The following COL24A1 variants were observed in gnomAD, a reference collection of about 807,000 sequenced individuals.
COL24A1 encodes the protein collagen type XXIV alpha 1 chain, also known as collagen alpha-1(XXIV) chain.
A neutral mutation model predicts 253.9 loss-of-function variants in COL24A1; 224 were observed. The observed-to-expected ratio is 0.88, with a 90% CI of 0.79 to 0.99. COL24A1 has a LOEUF of 0.99. Ranked by LOEUF, COL24A1 falls within the 50% of genes least tolerant of loss-of-function variation. The probability of loss-of-function intolerance (pLI) is 0.00; values close to 1 mark genes in which losing one functional copy is unlikely to be tolerated. For synonymous variants in COL24A1, 685 were observed against 673.7 expected (o/e 1.02, Z -0.26); for missense variants, 2,131 against 2,068.5 (o/e 1.03, Z -0.59).
At chr1:85,874,617 G>C (rs1680923169) in intron 35 of COL24A1, 32 bp downstream of exon 35, 2 of 1,599,486 alleles carry the variant, frequency 1.3e-6, no homozygotes, top group Non-Finnish European at 1.7e-6. Flanking sequence ...AAGTGGGTTA[G>C]TGTATTAAAA....
intron 25 of COL24A1, 34 bp from the exon 26 acceptor site, chr1:85,910,037 G>C: frequency 1.3e-6 from 2 of 1,571,606 alleles, no homozygotes; most frequent in Non-Finnish European, 1.7e-6. Flanking sequence ...GAGTAACATA[G>C]AGGCATATTA....
At chr1:85,730,735 C>T (rs751976792) in intron 59 of COL24A1, 43 bp from the exon 60 acceptor site, 2 of 1,595,764 alleles carry the variant, frequency 1.3e-6, no homozygotes, top group Non-Finnish European at 1.7e-6. Context: ...ATTTCATTAG[C>T]AGTCACTTTC....
intron 24 of COL24A1, among the ~76,000 whole-genome samples, chr1:85,914,387 TTTTC>T (rs753602691): frequency 4.2e-4 from 64 of 151,108 alleles, no homozygotes; most frequent in Non-Finnish European, 7.8e-4. Flanking sequence ...TCTTTTTTTC[TTTTC>T]TTTTTTTTTT....
In COL24A1 at chr1:86,060,390, A is replaced by G. The variant is rs147082263; in HGVS notation, c.1753-1216T>C. Among the ~76,000 whole-genome samples the G allele has an allele frequency of 2.8e-3, 424 of 152,226 alleles. 2 individuals are homozygous for G. Among genetic ancestry groups the G allele is most frequent in the African/African-American group, 9.7e-3 (403 of 41,556 alleles). On this transcript the variant is annotated intron_variant, in intron 8 of 59. Transcript: ENST00000370571. The stretch of plus-strand genomic sequence containing the variant: ...AAATTTCTTTCCTGTTTGTTTATAA[A>G]TGATATAATGGAAGATAATTGCACT...
chr1:86,122,629 T>C (rs1242697091), intron 3 of COL24A1, among the ~76,000 whole-genome samples: 3 of 152,048 alleles, frequency 2.0e-5, no homozygotes, highest in Non-Finnish European at 4.4e-5. Flanking sequence ...TCTCTCAATC[T>C]GCAGGCTTAA....
chr1:85,867,253 A>T (rs186784314), intron 37 of COL24A1, among the ~76,000 whole-genome samples: 2 of 152,330 alleles, frequency 1.3e-5, no homozygotes, highest in East Asian at 1.9e-4. Flanking sequence ...TGAAAATTAT[A>T]AACACTGTAA....
In COL24A1 at chr1:86,114,271, G is replaced by A. The variant is rs137986439; in HGVS notation, c.1545+1054C>T. Among the ~76,000 whole-genome samples the A allele has an allele frequency of 1.2e-4, 18 of 152,240 alleles. No individual in the cohort carries two copies. The East Asian group carries it at 3.3e-3, about 28-fold the overall frequency. ...AGAATGAGAATTGGACAAATAAATGGAAGATAAAAAGTGAATTAGGGAAGA... is the reference window on the plus strand; with the variant it reads ...AGAATGAGAATTGGACAAATAAATGAAAGATAAAAAGTGAATTAGGGAAGA... On this transcript the variant is annotated intron_variant, in intron 4 of 59. Coordinates refer to ENST00000370571, the MANE Select transcript of COL24A1 (RefSeq NM_152890.7).
chr1:85,768,594 A>T (rs1156468), intron 53 of COL24A1, among the ~76,000 whole-genome samples: 1 of 147,244 alleles, frequency 6.8e-6, no homozygotes, highest in East Asian at 2.1e-4. Flanking sequence ...GTGCGGGGGG[A>T]GGGCTTATTT....
At chr1:85,877,093 T>C in intron 33 of COL24A1, 29 bp downstream of exon 33, 1 of 1,552,838 alleles carries the variant, frequency 6.4e-7, no homozygotes, top group Non-Finnish European at 8.8e-7. Context: ...AGAATATTTA[T>C]GAAGAAGAAC....
Position 85,868,551 on chromosome 1 carries a change from GT to G in COL24A1, c.3267del (p.Leu1091TrpfsTer34), listed in dbSNP as rs769082427. On this transcript the variant is annotated frameshift_variant, in exon 37 of 60. Transcript: ENST00000370571. LOFTEE classifies it high-confidence loss of function. ...KGEMGLPGII[G>X]PLGRSGQTGL... ...CCTGTTTGGCCTGATCTACCCAAGG[GT>G]CCTATAATTCCTGGTAAGCCCATCT... 6.2e-7 allele frequency: 1 copy of G among 1,613,674 alleles called. No homozygotes were observed. The highest frequency in any genetic ancestry group is 1.3e-5 in the African/African-American group (1 of 74,876).
chr1:86,006,279 C>T (rs566578018), intron 19 of COL24A1, among the ~76,000 whole-genome samples: 22 of 149,994 alleles, frequency 1.5e-4, no homozygotes, highest in African/African-American at 1.3e-4. Flanking sequence ...CTACAATATT[C>T]GAGACAGTGT....
rs189812188 is a variant in COL24A1, at chr1:85,893,529, A to G, written c.2922+2329T>C. On this transcript the variant is annotated intron_variant, in intron 31 of 59. Coordinates refer to ENST00000370571, the MANE Select transcript of COL24A1 (RefSeq NM_152890.7). ...ATGATAGTTTTTATATTATTTAGAG[A>G]ACCTAAAATAGTGATCCAGGCCTTA... is the stretch of plus-strand genomic sequence containing the variant. 3.8e-3 allele frequency among the ~76,000 whole-genome samples: 580 copies of G among 152,272 alleles called. 3 individuals carry two copies. Among genetic ancestry groups the G allele is most frequent in the South Asian group, 7.1e-3 (34 of 4,822 alleles).
intron 37 of COL24A1, among the ~76,000 whole-genome samples, chr1:85,851,455 T>A (rs1677758948): frequency 6.6e-6 from 1 of 152,140 alleles, no homozygotes; most frequent in South Asian, 2.1e-4. Flanking sequence ...TTTTATAGGG[T>A]ATGTACCCTG....
At position 85,787,803 on chromosome 1, in the gene COL24A1, C is replaced by T. The variant is rs932146249; in HGVS notation, c.3952-1342G>A. Reference sequence around the variant, plus strand: ...GTTCCTTAAGGTCTTCGAGGAATCACCACACTGTCTTCCACAATGGTTGGA... The same window carrying T: ...GTTCCTTAAGGTCTTCGAGGAATCATCACACTGTCTTCCACAATGGTTGGA... On this transcript the variant is annotated intron_variant, in intron 47 of 59. Coordinates refer to ENST00000370571, the MANE Select transcript of COL24A1 (RefSeq NM_152890.7). 1.2e-4 allele frequency among the ~76,000 whole-genome samples: 19 copies of T among 152,154 alleles called. 1 individual carries two copies. The highest frequency in any genetic ancestry group is 2.1e-4 in the Non-Finnish European group (14 of 68,014).
In COL24A1 at chr1:86,133,666, A is replaced by G. The variant is rs539302495; in HGVS notation, c.122-7452T>C. ...CTGGATTACGTTTATTGATTTGTGT[A>G]TGTTGAACCAGCCTTGCATCCCAGG... On this transcript the variant is annotated intron_variant, in intron 2 of 59. Coordinates refer to ENST00000370571, the MANE Select transcript of COL24A1 (RefSeq NM_152890.7). Among the ~76,000 whole-genome samples, 22 of 152,256 alleles carry G rather than the reference A, an allele frequency of 1.4e-4. No homozygotes were observed. The East Asian group carries it at 3.9e-3, about 27-fold the overall frequency.
intron 19 of COL24A1, among the ~76,000 whole-genome samples, chr1:86,004,415 T>A (rs1695735280): frequency 6.6e-6 from 1 of 152,170 alleles, no homozygotes; most frequent in African/African-American, 2.4e-5. Context: ...AGGCCCATGA[T>A]GTAATCCATT....
At chr1:85,732,927 A>C (rs1218237153) in intron 59 of COL24A1, among the ~76,000 whole-genome samples, 4 of 152,180 alleles carry the variant, frequency 2.6e-5, no homozygotes, top group Admixed American at 2.6e-4. Flanking sequence ...TTTACAACAG[A>C]CAGCCAGTGA....
chr1:86,118,982 A>G (rs1052618064), intron 3 of COL24A1, among the ~76,000 whole-genome samples: 1 of 152,182 alleles, frequency 6.6e-6, no homozygotes, highest in African/African-American at 2.4e-5. Flanking sequence ...AGGTCAGGAT[A>G]CAGAGTTTGA....
intron 53 of COL24A1, among the ~76,000 whole-genome samples, chr1:85,769,359 C>T (rs1486482883): frequency 6.6e-6 from 1 of 151,822 alleles, no homozygotes. Context: ...GAATATAAGG[C>T]GTCTCAGGAA....
Sources: allele counts gnomAD v4.1 joint callset (sites outside exome capture counted in the v4.1 genomes callset), GRCh38; gene constraint gnomAD v4.1.1; transcripts MANE v1.5; gene names NCBI Gene and HGNC (gene_info 2026-07-23, HGNC 2026-07-21).